Variants in SOX6 observed in about 807,000 individuals in gnomAD.
SOX6 encodes SRY-box transcription factor 6, also known as transcription factor SOX-6.
SOX6 carries 11 observed loss-of-function variants against 97.8 expected under a neutral mutation model. The observed-to-expected ratio is 0.11, with a 90% CI of 0.07 to 0.19. SOX6 has a LOEUF of 0.19. Ranked by LOEUF, SOX6 falls within the 10% of genes least tolerant of loss-of-function variation. The probability of loss-of-function intolerance (pLI) is 1.00; values close to 1 mark genes in which losing one functional copy is unlikely to be tolerated. For synonymous variants in SOX6, 360 were observed against 371.4 expected, an observed-to-expected ratio of 0.97 and a Z score of 0.35; for missense variants, 810 against 1,039.5, an observed-to-expected ratio of 0.78 and a Z score of 3.04.
At chr11:16,588,810 T>C (rs7947467) in intron 4 of SOX6, among the ~76,000 whole-genome samples, 149,114 of 152,300 alleles carry the variant, frequency 0.98, 73,090 homozygotes, top group East Asian at 1. Context: ...AGGAGGATTA[T>C]TTGAGGTCAG....
rs539242873 is a variant in SOX6, at chr11:16,134,035, G to C, written c.778-22112C>G. On this transcript the variant is annotated intron_variant, in intron 6 of 15. Coordinates refer to ENST00000683767, the MANE Select transcript of SOX6 (RefSeq NM_001367873.1). Reference sequence around the variant, plus strand: ...TAATTACATTGGTGATGATAATAATGATTATAGTAATAAAGGCTACACTGA... The same window carrying C: ...TAATTACATTGGTGATGATAATAATCATTATAGTAATAAAGGCTACACTGA... Among the ~76,000 whole-genome samples the C allele has an allele frequency of 3.9e-5, 6 of 152,330 alleles. No individual in the cohort carries two copies. In the East Asian group the frequency reaches 1.2e-3, roughly 29 times the overall value.
intron 4 of SOX6, among the ~76,000 whole-genome samples, chr11:16,198,146 C>T (rs1224997046): frequency 2.6e-5 from 4 of 151,954 alleles, no homozygotes; most frequent in Non-Finnish European, 4.4e-5. Context: ...CTCCACCTCC[C>T]CAGCTCAAGC....
chr11:16,600,166 G>A (rs923472339), intron 4 of SOX6, among the ~76,000 whole-genome samples: 6 of 152,220 alleles, frequency 3.9e-5, no homozygotes. Context: ...AGTGCACAGA[G>A]TCCAAACCAC....
intron 12 of SOX6, among the ~76,000 whole-genome samples, chr11:16,042,768 A>G (rs1855705549): frequency 6.6e-6 from 1 of 152,142 alleles, no homozygotes; most frequent in Admixed American, 6.6e-5. Flanking sequence ...AAGTGTGATA[A>G]TAGTGTCCAC....
chr11:16,566,044 C>T (rs1228076479), intron 4 of SOX6, among the ~76,000 whole-genome samples: 1 of 147,476 alleles, frequency 6.8e-6, no homozygotes, highest in African/African-American at 2.5e-5. Context: ...TGCAGTGAGC[C>T]GAGATCGGGC....
At chr11:16,381,077 A>G (rs1341870587) in intron 1 of SOX6, among the ~76,000 whole-genome samples, 1 of 152,114 alleles carries the variant, frequency 6.6e-6, no homozygotes, top group African/African-American at 2.4e-5. Context: ...TTTCCATATG[A>G]CTAAGCTAAC....
intron 9 of SOX6, among the ~76,000 whole-genome samples, chr11:16,080,170 A>G (rs1045064529): frequency 6.6e-5 from 10 of 151,556 alleles, no homozygotes; most frequent in African/African-American, 2.4e-4. Context: ...CTCTTTCTAC[A>G]ATGTATACAT....
Position 16,513,805 on chromosome 11 carries a change from A to G in SOX6, n.610-37417T>C, listed in dbSNP as rs371247430. On this transcript the variant is annotated intron_variant and non_coding_transcript_variant, in intron 4 of 5. Transcript: ENST00000524520. The stretch of plus-strand genomic sequence containing the variant: ...TTACAGTAAAACACAATGCCGACAT[A>G]TATAAAGGAATGATTCTTATTCCAC... Among the ~76,000 whole-genome samples, 41 of 152,320 alleles carry G rather than the reference A, an allele frequency of 2.7e-4. No individual in the cohort carries two copies. The South Asian group carries it at 4.8e-3, about 18-fold the overall frequency.
chr11:16,191,352 A>C (rs1851625756), intron 4 of SOX6, among the ~76,000 whole-genome samples: 1 of 152,082 alleles, frequency 6.6e-6, no homozygotes, highest in Non-Finnish European at 1.5e-5. Flanking sequence ...TCCCAGCTAC[A>C]CAGAAGGCTG....
intron 6 of SOX6, among the ~76,000 whole-genome samples, chr11:16,182,156 C>T (rs1851363910): frequency 6.6e-6 from 1 of 151,800 alleles, no homozygotes; most frequent in Non-Finnish European, 1.5e-5. Context: ...TTGCTGTTCA[C>T]CTGGAGTTCT....
intron 9 of SOX6, among the ~76,000 whole-genome samples, chr11:16,069,666 C>T (rs1848178370): frequency 6.6e-6 from 1 of 151,996 alleles, no homozygotes; most frequent in Non-Finnish European, 1.5e-5. Flanking sequence ...AAAGTTTATG[C>T]AAATACACAT....
chr11:16,375,510 A>C (rs1268163027), intron 1 of SOX6, among the ~76,000 whole-genome samples: 1 of 152,138 alleles, frequency 6.6e-6, no homozygotes, highest in Non-Finnish European at 1.5e-5. Context: ...AAAGAAAAAA[A>C]AAAAAGAGAA....
chr11:16,466,288 CTT>C (rs1860029908), intron 1 of SOX6, among the ~76,000 whole-genome samples: 3 of 152,090 alleles, frequency 2.0e-5, no homozygotes, highest in Non-Finnish European at 2.9e-5. Context: ...AAAATATGAA[CTT>C]GAGATAAAAC....
At chr11:16,432,037 C>A (rs139475398) in intron 1 of SOX6, among the ~76,000 whole-genome samples, 8 of 152,026 alleles carry the variant, frequency 5.3e-5, no homozygotes, top group Non-Finnish European at 1.2e-4. Flanking sequence ...CCTTAGCAAA[C>A]CAATCACCAC....
chr11:15,986,898 T>C (rs952747771), intron 14 of SOX6, among the ~76,000 whole-genome samples: 1 of 152,096 alleles, frequency 6.6e-6, no homozygotes, highest in African/African-American at 2.4e-5. Context: ...ATTCCATATA[T>C]AAAAAACTAC....
intron 4 of SOX6, among the ~76,000 whole-genome samples, chr11:16,226,689 G>A (rs764621643): frequency 5.9e-5 from 9 of 151,726 alleles, no homozygotes; most frequent in African/African-American, 1.5e-4. Context: ...TGGGTTATGG[G>A]CCCTACCAGT....
intron 1 of SOX6, among the ~76,000 whole-genome samples, chr11:16,380,352 A>G (rs531039259): frequency 3.9e-5 from 6 of 152,062 alleles, no homozygotes; most frequent in Non-Finnish European, 7.4e-5. Context: ...CAAGGATATA[A>G]TCAGTATAAA....
chr11:16,738,068 C>A (rs967964911), intron 1 of SOX6, among the ~76,000 whole-genome samples: 4 of 151,866 alleles, frequency 2.6e-5, no homozygotes, highest in African/African-American at 9.7e-5. Flanking sequence ...CAGCTAAATC[C>A]CCGTTTTCAA....
intron 4 of SOX6, among the ~76,000 whole-genome samples, chr11:16,591,827 T>C (rs1036947925): frequency 6.6e-6 from 1 of 152,126 alleles, no homozygotes; most frequent in Non-Finnish European, 1.5e-5. Flanking sequence ...GTGCAATCAA[T>C]GATGTTCTTC....
Sources: gnomAD v4.1 joint callset for allele counts (sites outside exome capture counted in the v4.1 genomes callset) on GRCh38, gnomAD v4.1.1 for gene constraint, MANE v1.5 for transcripts, NCBI Gene and HGNC (gene_info 2026-07-23, HGNC 2026-07-21) for gene names.